The following DAB1 variants were observed in gnomAD, a reference collection of about 807,000 sequenced individuals.
DAB1 encodes the protein DAB adaptor protein 1.
A neutral mutation model predicts 64.6 loss-of-function variants in DAB1; 15 were observed. That is an observed-to-expected ratio of 0.23 (90% CI 0.16 to 0.36). The LOEUF is 0.36. DAB1 is among the 10% of genes least tolerant of loss of function. DAB1 has a pLI of 1.00. For synonymous variants in DAB1, 235 were observed against 251.9 expected (o/e 0.93, Z 0.64); for missense variants, 596 against 706.7 (o/e 0.84, Z 1.78).
intron 12 of DAB1, among the ~76,000 whole-genome samples, chr1:57,014,319 T>C (rs1164426510): frequency 1.3e-5 from 2 of 152,222 alleles, no homozygotes; most frequent in East Asian, 1.9e-4. Flanking sequence ...AGGCTTCAAC[T>C]ATAAAAGCTA....
At chr1:57,673,613 T>C (rs1250073605) in intron 6 of DAB1, among the ~76,000 whole-genome samples, 1 of 152,166 alleles carries the variant, frequency 6.6e-6, no homozygotes, top group African/African-American at 2.4e-5. Flanking sequence ...TTATTTCATA[T>C]TGACATTTCG....
At chr1:58,351,645 C>A (rs1417790002) in intron 3 of DAB1, among the ~76,000 whole-genome samples, 1 of 151,740 alleles carries the variant, frequency 6.6e-6, no homozygotes, top group Non-Finnish European at 1.5e-5. Context: ...ACTCTTCATG[C>A]ATGCAGAGCC....
At chr1:58,495,236 AG>A (rs1420953441) in intron 3 of DAB1, among the ~76,000 whole-genome samples, 1 of 152,130 alleles carries the variant, frequency 6.6e-6, no homozygotes, top group African/African-American at 2.4e-5. Context: ...ACATGGACAC[AG>A]GAAGGGGAAC....
chr1:57,702,845 T>C (rs3131778), intron 6 of DAB1, among the ~76,000 whole-genome samples: 60,975 of 151,914 alleles, frequency 0.4, 12,944 homozygotes, highest in African/African-American at 0.55. Context: ...AACAGACACA[T>C]AGACCAATAG....
intron 1 of DAB1, among the ~76,000 whole-genome samples, chr1:57,841,504 A>G (rs1240416026): frequency 1.3e-5 from 2 of 152,212 alleles, no homozygotes; most frequent in Non-Finnish European, 2.9e-5. Context: ...CCCCTGCAGC[A>G]GACTTCTGCC....
chr1:57,987,567 T>C (rs1378886397), intron 5 of DAB1, among the ~76,000 whole-genome samples: 1 of 152,216 alleles, frequency 6.6e-6, no homozygotes, highest in Non-Finnish European at 1.5e-5. Context: ...GTATGAAACC[T>C]TTTTGAATGA....
chr1:58,020,542 T>C (rs1203965351), intron 5 of DAB1, among the ~76,000 whole-genome samples: 1 of 152,190 alleles, frequency 6.6e-6, no homozygotes, highest in Non-Finnish European at 1.5e-5. Context: ...CTCCAACAAA[T>C]GGACAACTTC....
intron 3 of DAB1, among the ~76,000 whole-genome samples, chr1:58,452,768 C>T (rs1003294713): frequency 2.6e-5 from 4 of 151,122 alleles, no homozygotes; most frequent in African/African-American, 4.9e-5. Flanking sequence ...GTGGAGGTTG[C>T]GGTGAGCCAC....
At chr1:58,020,741 C>T (rs1392014943) in intron 5 of DAB1, among the ~76,000 whole-genome samples, 2 of 152,154 alleles carry the variant, frequency 1.3e-5, no homozygotes, top group Non-Finnish European at 1.5e-5. Flanking sequence ...CGGTGGCTCA[C>T]GCCTGTAATC....
At chr1:57,773,264 T>C (rs7543517) in intron 6 of DAB1, among the ~76,000 whole-genome samples, 127 of 152,138 alleles carry the variant, frequency 8.3e-4, no homozygotes, top group African/African-American at 2.8e-3. Context: ...TGTGTGTATA[T>C]ATATATGTGT....
intron 5 of DAB1, among the ~76,000 whole-genome samples, chr1:57,983,727 G>C (rs1422690618): frequency 6.6e-6 from 1 of 152,146 alleles, no homozygotes; most frequent in Non-Finnish European, 1.5e-5. Context: ...AAAATAGAAT[G>C]TCTTGCAAAT....
intron 5 of DAB1, among the ~76,000 whole-genome samples, chr1:58,034,650 G>C (rs984547804): frequency 6.6e-6 from 1 of 152,216 alleles, no homozygotes; most frequent in African/African-American, 2.4e-5. Context: ...AATATTTCTA[G>C]GTTATAGTTC....
At chr1:57,565,415 A>G (rs1179099413) in intron 7 of DAB1, among the ~76,000 whole-genome samples, 91 of 148,462 alleles carry the variant, frequency 6.1e-4, no homozygotes, top group South Asian at 1.1e-3. Flanking sequence ...TCAAATTCAC[A>G]CATAACAATA....
chr1:57,263,169 G>C (rs1473364604), intron 2 of DAB1, among the ~76,000 whole-genome samples: 1 of 151,672 alleles, frequency 6.6e-6, no homozygotes, highest in East Asian at 1.9e-4. Context: ...AGGCTGGAGT[G>C]CAATGGCACA....
rs200831126 is a variant in DAB1 at position 58,088,575 on chromosome 1, G to GA, written n.387+61935dup. On this transcript the variant is annotated intron_variant and non_coding_transcript_variant, in intron 5 of 20. Transcript: ENST00000485760. ...AACAGGAAAGCCAGAGACCCATTCA[G>GA]AAAAAATAAGTATGATTCTAGAATT... Among the ~76,000 whole-genome samples the GA allele has an allele frequency of 9.7e-3, 1,474 of 152,230 alleles. 10 individuals carry two copies. Among genetic ancestry groups the GA allele is most frequent in the Non-Finnish European group, 0.014 (947 of 68,020 alleles).
At chr1:57,031,896 G>A (rs1003382805) in intron 9 of DAB1, among the ~76,000 whole-genome samples, 4 of 152,102 alleles carry the variant, frequency 2.6e-5, no homozygotes, top group Non-Finnish European at 5.9e-5. Context: ...CCCTTTTTTA[G>A]CCCCCTGGGC....
chr1:57,069,838 A>C (rs1377382033), intron 7 of DAB1, among the ~76,000 whole-genome samples: 1 of 152,186 alleles, frequency 6.6e-6, no homozygotes, highest in Non-Finnish European at 1.5e-5. Context: ...TAAGGTTCAA[A>C]ATCCTAAACA....
At chr1:57,788,536 T>C (rs1650442172) in intron 6 of DAB1, among the ~76,000 whole-genome samples, 1 of 152,184 alleles carries the variant, frequency 6.6e-6, no homozygotes, top group African/African-American at 2.4e-5. Context: ...GGGAGAGCAC[T>C]AACCACAAAG....
chr1:58,492,215 A>G (rs923598477), intron 3 of DAB1, among the ~76,000 whole-genome samples: 3 of 152,240 alleles, frequency 2.0e-5, no homozygotes, highest in African/African-American at 7.2e-5. Flanking sequence ...TTTGAAACCA[A>G]CGAGAACAAA....
Sources: allele counts gnomAD v4.1 joint callset (sites outside exome capture counted in the v4.1 genomes callset), GRCh38; gene constraint gnomAD v4.1.1; transcripts MANE v1.5; gene names NCBI Gene and HGNC (gene_info 2026-07-23, HGNC 2026-07-21).